Variants in TLN2 observed in about 807,000 individuals in gnomAD.
TLN2 encodes the protein talin 2.
TLN2 carries 118 observed loss-of-function variants against 294.7 expected under a neutral mutation model. That is an observed-to-expected ratio of 0.40 (90% CI 0.34 to 0.47). The LOEUF (loss-of-function observed/expected upper bound fraction) is 0.47. Among genes scored for constraint, TLN2 ranks in the 20% least tolerant of loss-of-function variants. TLN2 has a pLI of 0.84. For synonymous variants in TLN2, 1,431 were observed against 1,304.5 expected, an observed-to-expected ratio of 1.10 and a Z score of -2.09; for missense variants, 3,083 against 3,282.2, an observed-to-expected ratio of 0.94 and a Z score of 1.48.
intron 2 of TLN2, among the ~76,000 whole-genome samples, chr15:62,610,070 G>A (rs1042950905): frequency 4.6e-5 from 7 of 152,130 alleles, no homozygotes; most frequent in Non-Finnish European, 1.0e-4. Flanking sequence ...GACTTAGGAG[G>A]GGGTGCCATG....
At chr15:62,577,856 C>G (rs955551104) in intron 1 of TLN2, among the ~76,000 whole-genome samples, 2 of 152,156 alleles carry the variant, frequency 1.3e-5, no homozygotes, top group African/African-American at 4.8e-5. Context: ...CTCCTACTAC[C>G]TAACAGGCCC....
At chr15:62,581,029 G>A (rs547060163) in intron 1 of TLN2, among the ~76,000 whole-genome samples, 39 of 151,926 alleles carry the variant, frequency 2.6e-4, no homozygotes, top group Middle Eastern at 3.4e-3. Context: ...GATTACAGGC[G>A]CCCACCACCA....
Position 62,762,289 on chromosome 15 carries a change from A to C in TLN2, c.4797A>C (p.Glu1599Asp), listed in dbSNP as rs752665082. 1.2e-5 allele frequency: 20 copies of C among 1,614,098 alleles called. No homozygotes were observed. The highest frequency in any genetic ancestry group is 1.7e-5 in the Non-Finnish European group (20 of 1,180,016). The change falls in exon 39 of 59, where the codon GAA (glutamate) becomes GAC (aspartate). Residue 1599 changes from glutamate (E) to aspartate (D), a missense_variant. Coordinates refer to ENST00000636159, the MANE Select transcript of TLN2 (RefSeq NM_015059.3). ...QISSEGSQAQ[E>D]PILVSAKTML... Reference sequence around the variant, plus strand: ...GGTCTCAGGGTTCCCAGGCACAGGAACCAATCCTGGTCTCAGCCAAGACCA... The same window carrying C: ...GGTCTCAGGGTTCCCAGGCACAGGACCCAATCCTGGTCTCAGCCAAGACCA...
In TLN2 at chr15:62,466,396, C is replaced by T. The variant is rs147064375; in HGVS notation, c.-238+75711C>T. 3.3e-4 allele frequency among the ~76,000 whole-genome samples: 51 copies of T among 152,242 alleles called. 1 individual carries two copies. The East Asian group carries it at 7.3e-3, about 22-fold the overall frequency. ...TGGGGCTGGATGATTCTTTGTTGTG[C>T]GGGGCTGGCCTGTGCATCGTAGGGT... On this transcript the variant is annotated intron_variant, in intron 1 of 58. Transcript: ENST00000636159.
At chr15:62,671,207 A>G (rs1567312609) in intron 9 of TLN2, among the ~76,000 whole-genome samples, 1 of 152,116 alleles carries the variant, frequency 6.6e-6, no homozygotes, top group Non-Finnish European at 1.5e-5. Flanking sequence ...TAATTTGCCA[A>G]TATTTTCCCC....
intron 1 of TLN2, among the ~76,000 whole-genome samples, chr15:62,475,577 G>A (rs1194064246): frequency 6.6e-6 from 1 of 152,202 alleles, no homozygotes; most frequent in Non-Finnish European, 1.5e-5. Context: ...TAAACCTGAT[G>A]TATGGAACAA....
intron 1 of TLN2, among the ~76,000 whole-genome samples, chr15:62,470,719 C>T (rs1045163023): frequency 6.6e-6 from 1 of 152,322 alleles, no homozygotes; most frequent in Admixed American, 6.5e-5. Flanking sequence ...CCCACCGAGC[C>T]AGTGCAGGCA....
At chr15:62,520,860 C>T (rs1034822244) in intron 1 of TLN2, among the ~76,000 whole-genome samples, 2 of 151,938 alleles carry the variant, frequency 1.3e-5, no homozygotes, top group African/African-American at 4.8e-5. Context: ...TTTTTAAGGA[C>T]CTTTTAATTT....
At chr15:62,456,063 CTT>C (rs2036459600) in intron 1 of TLN2, among the ~76,000 whole-genome samples, 1 of 147,492 alleles carries the variant, frequency 6.8e-6, no homozygotes, top group Non-Finnish European at 1.5e-5. Flanking sequence ...GAGTAAGACT[CTT>C]AAAAAAAAAA....
At chr15:62,780,457 T>A (rs1428175407) in intron 43 of TLN2, among the ~76,000 whole-genome samples, 1 of 152,180 alleles carries the variant, frequency 6.6e-6, no homozygotes, top group Non-Finnish European at 1.5e-5. Context: ...AGCCCGAGGT[T>A]CATTCACAAG....
At chr15:62,487,413 G>C (rs1389437317) in intron 1 of TLN2, among the ~76,000 whole-genome samples, 1 of 152,104 alleles carries the variant, frequency 6.6e-6, no homozygotes, top group Non-Finnish European at 1.5e-5. Flanking sequence ...TATTATCTTG[G>C]GTCAGTGCTT....
intron 1 of TLN2, among the ~76,000 whole-genome samples, chr15:62,576,887 T>C (rs2044466197): frequency 6.6e-6 from 1 of 152,104 alleles, no homozygotes; most frequent in Non-Finnish European, 1.5e-5. Context: ...CAGGGGCTCA[T>C]GTAGGCGAGT....
At chr15:62,649,624 T>C (rs989108997) in intron 4 of TLN2, among the ~76,000 whole-genome samples, 1 of 152,158 alleles carries the variant, frequency 6.6e-6, no homozygotes, top group African/African-American at 2.4e-5. Context: ...TCAGTTGGGA[T>C]GATGGAGGGG....
intron 11 of TLN2, among the ~76,000 whole-genome samples, chr15:62,680,872 G>T (rs565406495): frequency 6.6e-6 from 1 of 152,036 alleles, no homozygotes; most frequent in African/African-American, 2.4e-5. Flanking sequence ...AAATAATGGC[G>T]TCCAGCTCCA....
chr15:62,620,007 G>C (rs1321937721), intron 3 of TLN2, among the ~76,000 whole-genome samples: 6 of 152,072 alleles, frequency 3.9e-5, no homozygotes, highest in Non-Finnish European at 7.4e-5. Context: ...TGGAGGTCTT[G>C]CTCTGTTGCC....
intron 46 of TLN2, among the ~76,000 whole-genome samples, chr15:62,795,505 G>A (rs1300504305): frequency 2.6e-5 from 4 of 152,210 alleles, no homozygotes; most frequent in East Asian, 1.9e-4. Context: ...CTGGGCCCTC[G>A]GGGCACTGAA....
Position 62,739,345 on chromosome 15 carries a change from CAGCT to C in TLN2, c.3688-1_3690del. The C allele has an allele frequency of 6.2e-7, 1 of 1,612,110 alleles. No homozygotes were observed. The highest frequency in any genetic ancestry group is 8.5e-7 in the Non-Finnish European group (1 of 1,179,074). On this transcript the variant is annotated splice_acceptor_variant and coding_sequence_variant, in exon 31 of 59. Transcript: ENST00000636159. LOFTEE classifies it high-confidence loss of function. Reference sequence around the variant, plus strand: ...CATGGGGTGTGCCGTCTGTTCCCCACAGCTACCTCCAAGCACGAAGCCTTTCCAG... The same window carrying C: ...CATGGGGTGTGCCGTCTGTTCCCCACACCTCCAAGCACGAAGCCTTTCCAG...
At chr15:62,741,767 G>GTGTGTGTGTGTGTGTGTGTGTGTGTGTC (rs1353440110) in intron 32 of TLN2, among the ~76,000 whole-genome samples, 2 of 151,560 alleles carry the variant, frequency 1.3e-5, no homozygotes, top group South Asian at 4.2e-4. Flanking sequence ...GTGTGTGTGT[G>GTGTGTGTGTGTGTGTGTGTGTGTGTGTC]TCTTTATGTC....
rs1555435601 is a variant in TLN2, at chr15:62,582,217, C to CACACACACACACACACAT, written c.-237-7453_-237-7452insTACACACACACACACACA. Among the ~76,000 whole-genome samples the CACACACACACACACACAT allele has an allele frequency of 3.7e-3, 499 of 135,900 alleles. 8 individuals carry two copies. The highest frequency in any genetic ancestry group is 5.6e-3 in the Non-Finnish European group (350 of 62,516). The allele number at this position is 135,900 out of a possible 152,430, so 89.2% of individuals were successfully genotyped here. A position where few individuals can be genotyped will look rare whatever the true frequency, so the allele number is the denominator to read the frequency against. On this transcript the variant is annotated intron_variant, in intron 1 of 58. Transcript: ENST00000636159. Reference sequence around the variant, plus strand: ...GCATACACACACACACACACACACACACACACACACACACACACACACACA... The same window carrying CACACACACACACACACAT: ...GCATACACACACACACACACACACACACACACACACACACACATACACACACACACACACACACACACA...
Sources: gnomAD v4.1 joint callset for allele counts (sites outside exome capture counted in the v4.1 genomes callset) on GRCh38, gnomAD v4.1.1 for gene constraint, MANE v1.5 for transcripts, NCBI Gene and HGNC (gene_info 2026-07-23, HGNC 2026-07-21) for gene names.